GABPB1: variants seen among roughly 807,000 people sequenced by gnomAD.
GABPB1 encodes GA-binding protein subunit beta-1.
GABPB1 carries 15 observed loss-of-function variants against 45.9 expected under a neutral mutation model. The ratio of observed to expected loss-of-function variants is 0.33; its 90% CI spans 0.22 to 0.50. The LOEUF (loss-of-function observed/expected upper bound fraction) is 0.50, where lower values mean the gene tolerates loss of function less well. Among genes scored for constraint, GABPB1 ranks in the 20% least tolerant of loss-of-function variants. The pLI, the probability that GABPB1 is intolerant of heterozygous loss-of-function variation, is 0.98. For missense variants in GABPB1, 252 were observed against 457.5 expected (o/e 0.55, Z 4.10); for synonymous variants, 143 against 154.4 (o/e 0.93, Z 0.55).
intron 1 of GABPB1, among the ~76,000 whole-genome samples, chr15:50,325,054 G>A (rs918358251): frequency 6.6e-6 from 1 of 152,128 alleles, no homozygotes. Context: ...AAGGTGTTCA[G>A]TAATGTGTGT....
At chr15:50,280,409 C>T (rs2045936459) in intron 8 of GABPB1, among the ~76,000 whole-genome samples, 1 of 152,130 alleles carries the variant, frequency 6.6e-6, no homozygotes, top group South Asian at 2.1e-4. Context: ...TTCCCAGGAG[C>T]TAGACCACAG....
intron 6 of GABPB1, among the ~76,000 whole-genome samples, chr15:50,291,462 G>A (rs979876479): frequency 6.6e-6 from 1 of 151,778 alleles, no homozygotes; most frequent in Admixed American, 6.6e-5. Flanking sequence ...GGGAATACAG[G>A]TGTGTGCCAC....
intron 1 of GABPB1, among the ~76,000 whole-genome samples, chr15:50,315,419 A>T (rs2047286613): frequency 1.3e-5 from 2 of 152,248 alleles, no homozygotes; most frequent in African/African-American, 4.8e-5. Flanking sequence ...GGCATGAGCC[A>T]CTGCACCCAG....
At chr15:50,341,390 G>C (rs1340060490) in intron 1 of GABPB1, among the ~76,000 whole-genome samples, 1 of 152,096 alleles carries the variant, frequency 6.6e-6, no homozygotes, top group Non-Finnish European at 1.5e-5. Flanking sequence ...AAATTAGCCA[G>C]GCATGGCGGT....
At chr15:50,292,061 G>A (rs896276034) in intron 6 of GABPB1, among the ~76,000 whole-genome samples, 7 of 151,748 alleles carry the variant, frequency 4.6e-5, no homozygotes, top group African/African-American at 9.7e-5. Flanking sequence ...GCGGCCGGGC[G>A]CGGTGGCTCA....
At chr15:50,292,042 T>A (rs1447172314) in intron 6 of GABPB1, among the ~76,000 whole-genome samples, 1 of 151,672 alleles carries the variant, frequency 6.6e-6, no homozygotes, top group Non-Finnish European at 1.5e-5. Context: ...CAAGTTAAGA[T>A]AAATCATTGC....
chr15:50,316,253 G>A (rs2047323567), intron 1 of GABPB1, among the ~76,000 whole-genome samples: 2 of 152,124 alleles, frequency 1.3e-5, no homozygotes, highest in Non-Finnish European at 2.9e-5. Context: ...GCCATCTAGT[G>A]GTAACAGGAA....
chr15:50,348,733 G>A (rs529047182), intron 1 of GABPB1, among the ~76,000 whole-genome samples: 17 of 152,024 alleles, frequency 1.1e-4, no homozygotes, highest in African/African-American at 3.4e-4. Context: ...GTCGTGGCGC[G>A]CACCTGTAGT....
chr15:50,295,313 G>A (rs2046474169), intron 6 of GABPB1, among the ~76,000 whole-genome samples: 1 of 152,136 alleles, frequency 6.6e-6, no homozygotes, highest in South Asian at 2.1e-4. Context: ...ACCACCTTGA[G>A]TGACTCTTCC....
Position 50,276,012 on chromosome 15 carries a change from G to A in GABPB1, c.*2620C>T, listed in dbSNP as rs1567463331. 6.6e-6 allele frequency: 1 copy of A among 152,152 alleles called. No individual in the cohort carries two copies. The highest frequency in any genetic ancestry group is 1.5e-5 in the Non-Finnish European group (1 of 68,032). The allele number at this position is 152,152 out of a possible 1,614,324, so 9.4% of individuals were successfully genotyped here. Reference sequence around the variant, plus strand: ...TGTCTGGATAGTACGTAACAAGAACGATTCTAGGTGCACAGGAAAGAAAAT... The same window carrying A: ...TGTCTGGATAGTACGTAACAAGAACAATTCTAGGTGCACAGGAAAGAAAAT... On this transcript the variant is annotated 3_prime_UTR_variant, in exon 9 of 9. Transcript: ENST00000380877.
chr15:50,322,029 G>C (rs1260789970), intron 1 of GABPB1, among the ~76,000 whole-genome samples: 1 of 150,350 alleles, frequency 6.7e-6, no homozygotes, highest in East Asian at 1.9e-4. Context: ...CTAGTCAAAA[G>C]AAAAAATTGT....
chr15:50,285,767 G>A lies in GABPB1; in HGVS notation c.999+301C>T, dbSNP rs16963578. On this transcript the variant is annotated intron_variant, in intron 8 of 8. Coordinates refer to ENST00000380877, the MANE Select transcript of GABPB1 (RefSeq NM_016654.5). ...TATACTGGTATTTTCCTTTAGTGAC[G>A]TGTAAGAATGGTGTGTGTAAGTTTA... 3.1e-5 allele frequency: 34 copies of A among 1,112,332 alleles called. No homozygotes were observed. In the African/African-American group the frequency reaches 3.6e-4, roughly 12 times the overall value. 68.9% of individuals were successfully genotyped at this position (1,112,332 alleles called of 1,614,324 possible).
At chr15:50,320,109 G>A (rs1372578856) in intron 1 of GABPB1, among the ~76,000 whole-genome samples, 4 of 152,158 alleles carry the variant, frequency 2.6e-5, no homozygotes, top group Admixed American at 6.5e-5. Flanking sequence ...ACAAAAAGGG[G>A]ATCATACTAA....
intron 6 of GABPB1, among the ~76,000 whole-genome samples, chr15:50,293,936 C>T (rs1334763094): frequency 1.3e-5 from 2 of 152,230 alleles, no homozygotes; most frequent in Admixed American, 6.5e-5. Flanking sequence ...AGCCTAAAAA[C>T]TCTTAAAAGA....
chr15:50,337,104 TATATATATATATATATATATATATA>T (rs1289500024), intron 1 of GABPB1, among the ~76,000 whole-genome samples: 350 of 6,370 alleles, frequency 0.055, 27 homozygotes, highest in South Asian at 0.34. Flanking sequence ...TATATATATA[TATATATATATATATATATATATATA>T]ATATGAAGAG....
intron 1 of GABPB1, among the ~76,000 whole-genome samples, chr15:50,313,466 T>C (rs1595784484): frequency 1.3e-5 from 2 of 152,152 alleles, no homozygotes; most frequent in Non-Finnish European, 2.9e-5. Context: ...TCCAAGTCCA[T>C]TGACCCAATA....
At chr15:50,312,598 G>A (rs1454586435) in intron 1 of GABPB1, among the ~76,000 whole-genome samples, 1 of 152,108 alleles carries the variant, frequency 6.6e-6, no homozygotes, top group African/African-American at 2.4e-5. Flanking sequence ...AAAAGAAACC[G>A]ACCTCTCTCC....
At chr15:50,347,474 T>C (rs1014240346) in intron 1 of GABPB1, 3 of 152,116 alleles carry the variant, frequency 2.0e-5, no homozygotes, top group African/African-American at 7.2e-5. Context: ...GCAGGGACCA[T>C]GAAAATCTTC....
intron 6 of GABPB1, among the ~76,000 whole-genome samples, chr15:50,300,308 G>A (rs895996961): frequency 3.3e-5 from 5 of 151,990 alleles, no homozygotes; most frequent in Admixed American, 1.3e-4. Context: ...TAATCAGCTA[G>A]AGTTGAGTCA....
Sources: allele counts gnomAD v4.1 joint callset (sites outside exome capture counted in the v4.1 genomes callset), GRCh38; gene constraint gnomAD v4.1.1; transcripts MANE v1.5; gene names NCBI Gene and HGNC (gene_info 2026-07-23, HGNC 2026-07-21).